PRKN: variants seen among roughly 807,000 people sequenced by gnomAD.
PRKN encodes the protein E3 ubiquitin-protein ligase parkin.
A neutral mutation model predicts 59.5 loss-of-function variants in PRKN; 56 were observed. The observed-to-expected ratio is 0.94, with a 90% CI of 0.76 to 1.18. The LOEUF (loss-of-function observed/expected upper bound fraction) is 1.18. Among genes scored for constraint, PRKN ranks in the 50% most tolerant of loss-of-function variants. The probability of loss-of-function intolerance (pLI) is 0.00; values close to 1 mark genes in which losing one functional copy is unlikely to be tolerated. For synonymous variants in PRKN, 250 were observed against 222.1 expected (o/e 1.13, Z -1.12); for missense variants, 657 against 596.4 (o/e 1.10, Z -1.06).
intron 5 of PRKN, among the ~76,000 whole-genome samples, chr6:162,011,480 A>C (rs1337172960): frequency 1.3e-4 from 2 of 15,814 alleles, no homozygotes; most frequent in African/African-American, 3.6e-4. Flanking sequence ...TATATAATAT[A>C]TTATAATATA....
intron 2 of PRKN, among the ~76,000 whole-genome samples, chr6:162,333,610 C>T (rs1055791803): frequency 1.3e-5 from 2 of 152,178 alleles, no homozygotes; most frequent in Non-Finnish European, 2.9e-5. Context: ...GACTGATACG[C>T]CAACTGCCTG....
Position 161,582,363 on chromosome 6 carries a change from T to C in PRKN, c.872-12947A>G, listed in dbSNP as rs559596184. The stretch of plus-strand genomic sequence containing the variant: ...TTCTTTGAAGATCTATACATTACAA[T>C]GTTGGGCGCAGCAGATATAATCTGA... On this transcript the variant is annotated intron_variant, in intron 7 of 11. Coordinates refer to ENST00000366898, the MANE Select transcript of PRKN (RefSeq NM_004562.3). The surrounding 1 kb of genome is among the most constrained non-coding windows in gnomAD (Gnocchi z 4.4). Among the ~76,000 whole-genome samples, 12 of 152,192 alleles carry C rather than the reference T, an allele frequency of 7.9e-5. No homozygotes were observed. The South Asian group carries it at 2.3e-3, about 29-fold the overall frequency.
intron 1 of PRKN, among the ~76,000 whole-genome samples, chr6:162,553,358 G>T (rs1229957835): frequency 1.3e-5 from 2 of 151,556 alleles, no homozygotes; most frequent in Non-Finnish European, 2.9e-5. Context: ...TGAGCAGCCG[G>T]AAAGAAAGAG....
At chr6:162,469,459 CATCA>C (rs1277098249) in intron 1 of PRKN, among the ~76,000 whole-genome samples, 3 of 151,222 alleles carry the variant, frequency 2.0e-5, no homozygotes, top group African/African-American at 7.3e-5. Context: ...CCCAAATGCC[CATCA>C]ATCAATGAGT....
chr6:162,674,986 T>C lies in PRKN; in HGVS notation c.7+52676A>G, dbSNP rs114288791. On this transcript the variant is annotated intron_variant, in intron 1 of 11. Coordinates refer to ENST00000366898, the MANE Select transcript of PRKN (RefSeq NM_004562.3). ...ACAAAATTAATTAAGGATGGTAACA[T>C]AGAGGAAGCACATTTTGGGGCGGCA... Among the ~76,000 whole-genome samples, 765 of 152,172 alleles carry C rather than the reference T, an allele frequency of 5.0e-3. 10 individuals carry two copies. The highest frequency in any genetic ancestry group is 0.017 in the African/African-American group (705 of 41,512).
chr6:162,381,607 A>C (rs1786486213), intron 2 of PRKN, among the ~76,000 whole-genome samples: 1 of 152,180 alleles, frequency 6.6e-6, no homozygotes, highest in Non-Finnish European at 1.5e-5. Context: ...TTAATATTAA[A>C]CACCACAATA....
intron 2 of PRKN, among the ~76,000 whole-genome samples, chr6:162,321,060 A>G (rs985296152): frequency 6.6e-6 from 1 of 151,890 alleles, no homozygotes; most frequent in Non-Finnish European, 1.5e-5. Context: ...AAACAGAACA[A>G]TAGGAAAAAG....
chr6:162,426,012 T>C (rs567673982), intron 2 of PRKN, among the ~76,000 whole-genome samples: 39 of 152,294 alleles, frequency 2.6e-4, no homozygotes, highest in Admixed American at 5.2e-4. Flanking sequence ...AGTAGACTCA[T>C]AGCATACTTA....
At chr6:161,756,348 G>C (rs1392066487) in intron 7 of PRKN, among the ~76,000 whole-genome samples, 1 of 150,294 alleles carries the variant, frequency 6.7e-6, no homozygotes, top group African/African-American at 2.5e-5. Flanking sequence ...AGGCTGAGGA[G>C]GGAGAATCGC....
intron 6 of PRKN, among the ~76,000 whole-genome samples, chr6:161,914,714 C>G (rs988393775): frequency 1.3e-5 from 2 of 151,958 alleles, no homozygotes; most frequent in African/African-American, 4.8e-5. Context: ...ACTGTCCCTC[C>G]TTTCTGGGTT....
intron 2 of PRKN, among the ~76,000 whole-genome samples, chr6:162,406,824 A>G (rs1788098736): frequency 6.6e-6 from 1 of 152,116 alleles, no homozygotes; most frequent in Non-Finnish European, 1.5e-5. Context: ...GAAGCTTTTC[A>G]GAATACAGAT....
chr6:162,208,656 T>C (rs944862007), intron 3 of PRKN, among the ~76,000 whole-genome samples: 1 of 151,994 alleles, frequency 6.6e-6, no homozygotes, highest in African/African-American at 2.4e-5. Context: ...AAAGAGTAAA[T>C]GTAGTTGCTT....
At chr6:162,167,089 A>C (rs896578481) in intron 4 of PRKN, among the ~76,000 whole-genome samples, 9 of 152,186 alleles carry the variant, frequency 5.9e-5, no homozygotes, top group Non-Finnish European at 1.3e-4. Flanking sequence ...TGAGGAGCCA[A>C]GCTGATGAGT....
chr6:162,562,014 T>C (rs1005525325), intron 1 of PRKN, among the ~76,000 whole-genome samples: 2 of 152,070 alleles, frequency 1.3e-5, no homozygotes, highest in Non-Finnish European at 2.9e-5. Context: ...GGCTGCACAG[T>C]TCTCAGCTCC....
chr6:161,810,682 G>T (rs983220022), intron 6 of PRKN, among the ~76,000 whole-genome samples: 7 of 152,140 alleles, frequency 4.6e-5, no homozygotes, highest in African/African-American at 1.7e-4. Context: ...TGCTAAAAAT[G>T]ATTATTTGCA....
At chr6:161,895,953 AT>A (rs772765875) in intron 6 of PRKN, among the ~76,000 whole-genome samples, 6 of 152,174 alleles carry the variant, frequency 3.9e-5, no homozygotes, top group African/African-American at 7.2e-5. Flanking sequence ...GGGGCACAGA[AT>A]CAGCTGAGCT....
At chr6:161,622,442 C>T (rs1782941539) in intron 7 of PRKN, among the ~76,000 whole-genome samples, 2 of 152,102 alleles carry the variant, frequency 1.3e-5, no homozygotes, top group African/African-American at 4.8e-5. Context: ...GGAGCTGTGC[C>T]CAGGCATTCT....
At chr6:162,153,633 G>A (rs1297519326) in intron 4 of PRKN, among the ~76,000 whole-genome samples, 1 of 152,164 alleles carries the variant, frequency 6.6e-6, no homozygotes, top group Non-Finnish European at 1.5e-5. Context: ...ATGGAAGGAT[G>A]ATTAATGCGG....
At chr6:161,635,477 C>T (rs1783477926) in intron 7 of PRKN, among the ~76,000 whole-genome samples, 1 of 152,220 alleles carries the variant, frequency 6.6e-6, no homozygotes, top group African/African-American at 2.4e-5. Context: ...CGAATCCTCT[C>T]TCAGGTGCCT....
Sources: allele counts gnomAD v4.1 joint callset (sites outside exome capture counted in the v4.1 genomes callset), GRCh38; gene constraint gnomAD v4.1.1; non-coding constraint Gnocchi (gnomAD v3.1); transcripts MANE v1.5; gene names NCBI Gene and HGNC (gene_info 2026-07-23, HGNC 2026-07-21).